The following ICE2 variants were observed in gnomAD, a reference collection of about 807,000 sequenced individuals.
ICE2 encodes little elongation complex subunit 2.
In ICE2, 87 loss-of-function variants were observed where a neutral mutation model predicts 105.4. The observed-to-expected ratio is 0.83, with a 90% CI of 0.69 to 0.99. The LOEUF (loss-of-function observed/expected upper bound fraction) is 0.99. ICE2 is among the 50% of genes least tolerant of loss of function. The pLI is 0.00. For missense variants in ICE2, 1,323 were observed against 1,146.7 expected (o/e 1.15, Z -2.22); for synonymous variants, 399 against 392.0 (o/e 1.02, Z -0.21).
At chr15:60,464,399 T>A (rs149779472) in intron 5 of ICE2, among the ~76,000 whole-genome samples, 2 of 151,710 alleles carry the variant, frequency 1.3e-5, no homozygotes, top group Non-Finnish European at 2.9e-5. Context: ...GGAAGGACAA[T>A]AAGCAAAAAT....
At position 60,449,444 on chromosome 15, in the gene ICE2, A is replaced by C; in HGVS notation, c.1523T>G (p.Leu508Trp). 6.2e-7 allele frequency: 1 copy of C among 1,614,076 alleles called. No homozygotes were observed. Among genetic ancestry groups the C allele is most frequent in the Non-Finnish European group, 8.5e-7 (1 of 1,179,990 alleles). ...SDKPLIQDSD[L>W]KTSDALQLEN... ...TAACTGTAAGGCATCAGATGTTTTCAAGTCACTATCTTGTATCAAAGGCTT... is the reference window on the plus strand; with the variant it reads ...TAACTGTAAGGCATCAGATGTTTTCCAGTCACTATCTTGTATCAAAGGCTT... The change falls in exon 10 of 16, where the codon TTG (leucine) becomes TGG (tryptophan). Residue 508 changes from leucine (L) to tryptophan (W), a missense_variant. Physicochemically the swap from Leu to Trp is moderately conservative, Grantham distance 61. Transcript: ENST00000261520.
At chr15:60,453,566 T>A in intron 9 of ICE2, 37 bp downstream of exon 9, 1 of 1,603,132 alleles carries the variant, frequency 6.2e-7, no homozygotes, top group African/African-American at 1.3e-5. Flanking sequence ...GATAAACAAG[T>A]ACATTCCCCT....
chr15:60,474,729 A>T (rs757483755), intron 3 of ICE2, among the ~76,000 whole-genome samples: 1 of 152,190 alleles, frequency 6.6e-6, no homozygotes, highest in Admixed American at 6.5e-5. Context: ...GTCTTTAAAG[A>T]AGTCTAAGTA....
intron 3 of ICE2, 108 bp from the exon 4 acceptor site, chr15:60,468,430 G>A: frequency 1.2e-6 from 1 of 834,104 alleles, no homozygotes; most frequent in Non-Finnish European, 1.9e-6. Flanking sequence ...GATTAACAGA[G>A]TAAACTCTGG....
rs2063254166 is a variant in ICE2, at chr15:60,422,632, T to A, written c.*1002A>T. ...CAGGCGGATCACAAGGTCAGGAGTT[T>A]GAGACCAGCCCGGCCAACATGGTAA... On this transcript the variant is annotated 3_prime_UTR_variant, in exon 16 of 16. Transcript: ENST00000261520. 6.6e-6 allele frequency: 1 copy of A among 151,946 alleles called. No individual in the cohort carries two copies. The highest frequency in any genetic ancestry group is 1.5e-5 in the Non-Finnish European group (1 of 68,032). 9.4% of individuals were successfully genotyped at this position (151,946 alleles called of 1,614,324 possible). A position where few individuals can be genotyped will look rare whatever the true frequency, so the allele number is the denominator to read the frequency against.
At chr15:60,431,154 G>A (rs1471436626) in intron 14 of ICE2, among the ~76,000 whole-genome samples, 1 of 151,686 alleles carries the variant, frequency 6.6e-6, no homozygotes, top group Non-Finnish European at 1.5e-5. Flanking sequence ...TTACAGGCGT[G>A]AGCCACTGCG....
At position 60,448,954 on chromosome 15, in the gene ICE2, T is replaced by A; in HGVS notation, c.2013A>T (p.Leu671Phe). The A allele has an allele frequency of 6.2e-7, 1 of 1,614,094 alleles. No individual in the cohort carries two copies. The highest frequency in any genetic ancestry group is 8.5e-7 in the Non-Finnish European group (1 of 1,179,956). ...AAACAGAAGGCTGTTTAGAATTTTC[T>A]AAATTCATTAAGGGCAATTCTGGTA... ...RKVPELPLMNLENSKQPSVSE... is the reference protein window; with the variant it reads ...RKVPELPLMNFENSKQPSVSE... Residue 671 changes from leucine (L) to phenylalanine (F), a missense_variant, in exon 10 of 16, where the codon TTA (leucine) becomes TTT (phenylalanine). By Grantham distance (22) the Leu-to-Phe change is conservative (BLOSUM62 0). Transcript: ENST00000261520.
chr15:60,468,042 T>C lies in ICE2; in HGVS notation c.408+19A>G. 1 of 1,493,132 alleles carries C rather than the reference T, an allele frequency of 6.7e-7. No individual in the cohort carries two copies. The highest frequency in any genetic ancestry group is 9.0e-7 in the Non-Finnish European group (1 of 1,116,098). The allele number at this position is 1,493,132 out of a possible 1,614,324, so 92.5% of individuals were successfully genotyped here. ...AATTTTTATTATTTTTTCCTGAAACTGAAGAACACAATACATACCAAGTAC... is the reference window on the plus strand; with the variant it reads ...AATTTTTATTATTTTTTCCTGAAACCGAAGAACACAATACATACCAAGTAC... On this transcript the variant is annotated intron_variant, in intron 4 of 15. Transcript: ENST00000261520.
intron 9 of ICE2, chr15:60,451,299 T>C: frequency 3.8e-6 from 3 of 794,542 alleles, no homozygotes; most frequent in Non-Finnish European, 4.6e-6. Flanking sequence ...ACTTTTTCCC[T>C]TCCCAAGAAT....
At chr15:60,450,598 A>G (rs2063942471) in intron 9 of ICE2, among the ~76,000 whole-genome samples, 1 of 152,200 alleles carries the variant, frequency 6.6e-6, no homozygotes, top group Admixed American at 6.5e-5. Context: ...ATAACTGGTT[A>G]TGTACATCCA....
In ICE2 at chr15:60,455,030, C is replaced by T. The variant is rs376840012; in HGVS notation, c.916G>A (p.Val306Met). 6.4e-7 allele frequency: 1 copy of T among 1,572,678 alleles called. No homozygotes were observed. Among genetic ancestry groups the T allele is most frequent in the South Asian group, 1.2e-5 (1 of 82,986 alleles). The change falls in exon 8 of 16, where the codon GTG (valine) becomes ATG (methionine). Residue 306 changes from valine to methionine, a missense_variant. By Grantham distance (21) the Val-to-Met change is conservative. Coordinates refer to ENST00000261520, the MANE Select transcript of ICE2 (RefSeq NM_024611.6). ...PTYKEQWEIP[V>M]CIQVIPVAGS... ...GCAACAGGTATTACTTGAATACACA[C>T]TGGAATTTCCCACTGTTCCTTGTAC... is the stretch of plus-strand genomic sequence containing the variant.
In ICE2 at chr15:60,455,032, G is replaced by A; in HGVS notation, c.914C>T (p.Pro305Leu). The change falls in exon 8 of 16, where the codon CCA becomes CTA. Residue 305 changes from proline (P) to leucine (L), a missense_variant. Coordinates refer to ENST00000261520, the MANE Select transcript of ICE2 (RefSeq NM_024611.6). ...AACAGGTATTACTTGAATACACACTGGAATTTCCCACTGTTCCTTGTACGT... is the reference window on the plus strand; with the variant it reads ...AACAGGTATTACTTGAATACACACTAGAATTTCCCACTGTTCCTTGTACGT... ...GPTYKEQWEIPVCIQVIPVAG... is the reference protein window; with the variant it reads ...GPTYKEQWEILVCIQVIPVAG... 1 of 1,573,754 alleles carries A rather than the reference G, an allele frequency of 6.4e-7. No homozygotes were observed. Among genetic ancestry groups the A allele is most frequent in the Middle Eastern group, 1.7e-4 (1 of 5,856 alleles).
At chr15:60,470,812 T>C (rs879416244) in intron 3 of ICE2, among the ~76,000 whole-genome samples, 1 of 152,116 alleles carries the variant, frequency 6.6e-6, no homozygotes, top group African/African-American at 2.4e-5. Context: ...TTCACACTTA[T>C]AGGTATAGGA....
intron 3 of ICE2, among the ~76,000 whole-genome samples, chr15:60,470,938 G>A (rs1454896704): frequency 2.0e-5 from 3 of 151,978 alleles, no homozygotes; most frequent in African/African-American, 2.4e-5. Context: ...AGTCTGATAC[G>A]GCTGAGAACT....
intron 3 of ICE2, among the ~76,000 whole-genome samples, chr15:60,469,114 G>A (rs1393419867): frequency 1.3e-5 from 2 of 152,180 alleles, no homozygotes; most frequent in Non-Finnish European, 2.9e-5. Flanking sequence ...ATACTATGCA[G>A]CCATAAAAAG....
intron 9 of ICE2, among the ~76,000 whole-genome samples, chr15:60,450,151 A>C (rs1387851696): frequency 6.6e-6 from 1 of 152,204 alleles, no homozygotes; most frequent in East Asian, 1.9e-4. Flanking sequence ...CAAGACCACA[A>C]AGAAGAAATG....
At chr15:60,456,322 C>T (rs2064110103) in intron 6 of ICE2, among the ~76,000 whole-genome samples, 1 of 150,474 alleles carries the variant, frequency 6.6e-6, no homozygotes, top group Non-Finnish European at 1.5e-5. Flanking sequence ...GCAGGTGGAT[C>T]ACCTGAGGTC....
In ICE2 at chr15:60,422,891, A is replaced by G. The variant is rs191898429; in HGVS notation, c.*743T>C. 3 of 152,458 alleles carry G rather than the reference A, an allele frequency of 2.0e-5. No individual in the cohort carries two copies. Among genetic ancestry groups the G allele is most frequent in the Non-Finnish European group, 2.9e-5 (2 of 68,038 alleles). 9.4% of individuals were successfully genotyped at this position (152,458 alleles called of 1,614,324 possible). A position where few individuals can be genotyped will look rare whatever the true frequency, so the allele number is the denominator to read the frequency against. Reference sequence around the variant, plus strand: ...CACATTAACCTTGTCATCTGGAGCAATGACACTGACTTTTTTTCTGGAAAA... The same window carrying G: ...CACATTAACCTTGTCATCTGGAGCAGTGACACTGACTTTTTTTCTGGAAAA... On this transcript the variant is annotated 3_prime_UTR_variant, in exon 16 of 16. Coordinates refer to ENST00000261520, the MANE Select transcript of ICE2 (RefSeq NM_024611.6).
intron 11 of ICE2, among the ~76,000 whole-genome samples, chr15:60,447,035 G>GA (rs1435022366): frequency 6.6e-6 from 1 of 151,930 alleles, no homozygotes; most frequent in Non-Finnish European, 1.5e-5. Context: ...AAACTAATCT[G>GA]AAAGAGAATT....
Sources: gnomAD v4.1 joint callset for allele counts (sites outside exome capture counted in the v4.1 genomes callset) on GRCh38, gnomAD v4.1.1 for gene constraint, MANE v1.5 for transcripts, NCBI Gene and HGNC (gene_info 2026-07-23, HGNC 2026-07-21) for gene names.